Variants in FLRT1 observed in about 807,000 individuals in gnomAD.
FLRT1 encodes fibronectin leucine rich transmembrane protein 1.
In FLRT1, 14 loss-of-function variants were observed where a neutral mutation model predicts 30.9. That is an observed-to-expected ratio of 0.45 (90% confidence interval 0.30 to 0.71). The LOEUF (loss-of-function observed/expected upper bound fraction) is 0.71. Ranked by LOEUF, FLRT1 falls within the 30% of genes least tolerant of loss-of-function variation. FLRT1 has a pLI of 0.08. For synonymous variants in FLRT1, 368 were observed against 430.4 expected (o/e 0.85, Z 1.80); for missense variants, 737 against 949.2 (o/e 0.78, Z 2.94).
At chr11:64,039,282 G>C (rs541827888) in intron 1 of FLRT1, among the ~76,000 whole-genome samples, 20 of 152,316 alleles carry the variant, frequency 1.3e-4, no homozygotes, top group African/African-American at 4.6e-4. Flanking sequence ...ATAGTGGGGT[G>C]GGTGGGGACT....
chr11:64,093,361 T>C (rs973730608), intron 1 of FLRT1, among the ~76,000 whole-genome samples: 1 of 152,180 alleles, frequency 6.6e-6, no homozygotes, highest in African/African-American at 2.4e-5. Context: ...TCACGGCCCA[T>C]TGGGAAAAGA....
At chr11:64,052,904 C>T (rs1202390232) in intron 1 of FLRT1, among the ~76,000 whole-genome samples, 1 of 152,238 alleles carries the variant, frequency 6.6e-6, no homozygotes, top group Non-Finnish European at 1.5e-5. Context: ...AGCTACCCTC[C>T]AGATAGGCAC....
intron 1 of FLRT1, among the ~76,000 whole-genome samples, chr11:64,043,989 A>AT (rs1414966081): frequency 2.0e-5 from 3 of 151,814 alleles, no homozygotes; most frequent in Non-Finnish European, 4.4e-5. Context: ...AATTTTTCAT[A>AT]TTTTTAGTAG....
rs1238995318 is a variant in FLRT1 at position 64,096,729 on chromosome 11, T to G, written c.-1037-6465T>G. ...ACCGCACCCTACCCTCTCCCCCTTT[T>G]GTGCCTAGAGTTGCTCTGTGAAGGG... On this transcript the variant is annotated intron_variant, in intron 1 of 2. Transcript: ENST00000682287. The surrounding 1 kb of genome is among the most constrained non-coding windows in gnomAD (Gnocchi z 4.6). Among the ~76,000 whole-genome samples the G allele has an allele frequency of 6.6e-6, 1 of 152,180 alleles. No homozygotes were observed. The highest frequency in any genetic ancestry group is 3.2e-3 in the Middle Eastern group (1 of 316).
intron 1 of FLRT1, among the ~76,000 whole-genome samples, chr11:64,089,832 G>C (rs987244835): frequency 1.3e-5 from 2 of 152,124 alleles, no homozygotes; most frequent in African/African-American, 2.4e-5. Flanking sequence ...TAGGTGTCCT[G>C]CCCCCAGGGA....
At chr11:64,087,298 A>C (rs1307249836) in intron 1 of FLRT1, 1 of 152,236 alleles carries the variant, frequency 6.6e-6, no homozygotes, top group Non-Finnish European at 1.5e-5. Context: ...TGCTCCTGTC[A>C]CTTCGGATGT....
chr11:64,060,905 T>C (rs1943888465), intron 1 of FLRT1, among the ~76,000 whole-genome samples: 1 of 151,930 alleles, frequency 6.6e-6, no homozygotes, highest in Non-Finnish European at 1.5e-5. Context: ...CGAGGCTCTT[T>C]GCATATTCAT....
chr11:64,078,238 A>AG (rs1162590553), intron 1 of FLRT1, among the ~76,000 whole-genome samples: 2 of 152,144 alleles, frequency 1.3e-5, no homozygotes, highest in Non-Finnish European at 2.9e-5. Flanking sequence ...GCCCTCCAGA[A>AG]GGGAGGTGGG....
Position 64,096,063 on chromosome 11 carries a change from C to T in FLRT1, c.-1037-7131C>T, listed in dbSNP as rs565044336. ...TCAAACTGCCACTTGAGAGCTCCAG[C>T]GTGGGGACAGCGTGGGGCCCACTTC... On this transcript the variant is annotated intron_variant, in intron 1 of 2. Transcript: ENST00000682287. The surrounding 1 kb of genome is among the most constrained non-coding windows in gnomAD (Gnocchi z 4.6). Among the ~76,000 whole-genome samples the T allele has an allele frequency of 7.9e-5, 12 of 152,314 alleles. No individual in the cohort carries two copies. In the East Asian group the frequency reaches 2.1e-3, roughly 27 times the overall value.
chr11:64,106,202 T>A (rs1944760600), intron 2 of FLRT1, among the ~76,000 whole-genome samples: 1 of 151,942 alleles, frequency 6.6e-6, no homozygotes. Flanking sequence ...GAGGCCTGGG[T>A]TTGTGGCCAC....
At chr11:64,070,966 C>T (rs1249715169) in intron 1 of FLRT1, among the ~76,000 whole-genome samples, 1 of 152,104 alleles carries the variant, frequency 6.6e-6, no homozygotes, top group Non-Finnish European at 1.5e-5. Context: ...TGTCTTTATT[C>T]CAGGCTCTGA....
At chr11:64,084,434 ACTGTGGGCAGGCG>A (rs1565225045) in intron 1 of FLRT1, among the ~76,000 whole-genome samples, 1 of 152,032 alleles carries the variant, frequency 6.6e-6, no homozygotes, top group East Asian at 1.9e-4. Context: ...CCCTCCCTGC[ACTGTGGGCAGGCG>A]CTGTGGAGGC....
chr11:64,052,647 G>A (rs1245511378), intron 1 of FLRT1, among the ~76,000 whole-genome samples: 1 of 152,210 alleles, frequency 6.6e-6, no homozygotes, highest in Admixed American at 6.5e-5. Flanking sequence ...CACCTGGGAG[G>A]GCAACTGACC....
At chr11:64,093,348 A>G (rs1189300525) in intron 1 of FLRT1, among the ~76,000 whole-genome samples, 1 of 152,202 alleles carries the variant, frequency 6.6e-6, no homozygotes, top group African/African-American at 2.4e-5. Context: ...TACCCGTAAG[A>G]GCTCACGGCC....
Position 64,117,761 on chromosome 11 carries a change from G to A in FLRT1, c.1494G>A (p.Glu498=). 6.2e-7 allele frequency: 1 copy of A among 1,614,106 alleles called. No homozygotes were observed. The highest frequency in any genetic ancestry group is 1.1e-5 in the South Asian group (1 of 91,090). The change falls in exon 3 of 3, where the codon GAG becomes GAA. Residue 498 remains glutamate (E), a synonymous_variant. Coordinates refer to ENST00000682287, the MANE Select transcript of FLRT1 (RefSeq NM_013280.5). ...DKTEYLLTAL[E]PKSTYIICMV... Reference sequence around the variant, plus strand: ...CAGAGTACCTGCTGACAGCCCTGGAGCCCAAGTCCACCTACATCATCTGCA... The same window carrying A: ...CAGAGTACCTGCTGACAGCCCTGGAACCCAAGTCCACCTACATCATCTGCA...
In FLRT1 at chr11:64,064,547, C is replaced by T. The variant is rs974283796; in HGVS notation, c.-1038+28388C>T. ...ACGTATGTGCCTGGCATGGTCCTTG[C>T]CTGAGTCCTGCCTGCTGGCTGACAC... On this transcript the variant is annotated intron_variant, in intron 1 of 2. Coordinates refer to ENST00000682287, the MANE Select transcript of FLRT1 (RefSeq NM_013280.5). The surrounding 1 kb of genome is among the most constrained non-coding windows in gnomAD (Gnocchi z 4.5). Among the ~76,000 whole-genome samples the T allele has an allele frequency of 3.9e-5, 6 of 152,096 alleles. No individual in the cohort carries two copies. Among genetic ancestry groups the T allele is most frequent in the African/African-American group, 1.2e-4 (5 of 41,432 alleles).
intron 1 of FLRT1, among the ~76,000 whole-genome samples, chr11:64,059,284 A>C (rs531425871): frequency 7.2e-5 from 11 of 152,084 alleles, no homozygotes; most frequent in Non-Finnish European, 1.5e-4. Context: ...CCCTGTGAAG[A>C]GGGTCTTGCG....
intron 2 of FLRT1, among the ~76,000 whole-genome samples, chr11:64,107,993 AT>A: frequency 6.6e-6 from 1 of 152,208 alleles, no homozygotes; most frequent in Non-Finnish European, 1.5e-5. Context: ...AAGTAACCTT[AT>A]TTTATCTTCA....
intron 2 of FLRT1, among the ~76,000 whole-genome samples, chr11:64,110,630 G>A (rs1944844729): frequency 6.6e-6 from 1 of 152,004 alleles, no homozygotes; most frequent in Non-Finnish European, 1.5e-5. Context: ...TACAGCCTGA[G>A]CCATCCCACT....
Sources: allele counts gnomAD v4.1 joint callset (sites outside exome capture counted in the v4.1 genomes callset), GRCh38; gene constraint gnomAD v4.1.1; non-coding constraint Gnocchi (gnomAD v3.1); transcripts MANE v1.5; gene names NCBI Gene and HGNC (gene_info 2026-07-23, HGNC 2026-07-21).